The following SVOPL variants were observed in gnomAD, a reference collection of about 807,000 sequenced individuals.
SVOPL encodes putative transporter SVOPL.
SVOPL carries 60 observed loss-of-function variants against 61.0 expected under a neutral mutation model. The observed-to-expected ratio is 0.98, with a 90% CI of 0.80 to 1.22. The LOEUF (loss-of-function observed/expected upper bound fraction) is 1.22. Ranked by LOEUF, SVOPL falls within the 50% of genes most tolerant of loss-of-function variation. SVOPL has a pLI of 0.00. For synonymous variants in SVOPL, 279 were observed against 250.0 expected (o/e 1.12, Z -1.09); for missense variants, 662 against 643.9 (o/e 1.03, Z -0.30).
At chr7:138,660,944 A>G in intron 5 of SVOPL, 1 of 983,586 alleles carries the variant, frequency 1.0e-6, no homozygotes, top group Non-Finnish European at 1.2e-6. Flanking sequence ...AGGAAAAATT[A>G]TATCTTGCTA....
rs1169955853 is a variant in SVOPL at position 138,606,899 on chromosome 7, T to C, written c.1354-10369A>G. Among the ~76,000 whole-genome samples, 4 of 152,132 alleles carry C rather than the reference T, an allele frequency of 2.6e-5. No individual in the cohort carries two copies. The South Asian group carries it at 8.3e-4, about 32-fold the overall frequency. ...AACCCAGGAGGCAGAGGTTGCAGTGTGCTGGGATCATACCATTGCACTCCA... is the reference window on the plus strand; with the variant it reads ...AACCCAGGAGGCAGAGGTTGCAGTGCGCTGGGATCATACCATTGCACTCCA... On this transcript the variant is annotated intron_variant, in intron 14 of 15. Transcript: ENST00000674285.
chr7:138,632,151 G>A (rs1012993776), intron 9 of SVOPL, among the ~76,000 whole-genome samples: 5 of 152,236 alleles, frequency 3.3e-5, no homozygotes, highest in Non-Finnish European at 7.3e-5. Flanking sequence ...TCTGTGGAGG[G>A]CCAGACACGG....
intron 9 of SVOPL, among the ~76,000 whole-genome samples, chr7:138,634,261 C>G (rs1164422400): frequency 6.6e-6 from 1 of 152,124 alleles, no homozygotes; most frequent in Non-Finnish European, 1.5e-5. Context: ...TATCCCAGCA[C>G]TTTAGGAGGC....
intron 14 of SVOPL, among the ~76,000 whole-genome samples, chr7:138,602,053 T>A (rs1302773525): frequency 1.3e-5 from 2 of 152,188 alleles, no homozygotes; most frequent in Non-Finnish European, 2.9e-5. Flanking sequence ...ATTAAAATAG[T>A]TGCACATAAG....
intron 14 of SVOPL, among the ~76,000 whole-genome samples, chr7:138,613,669 G>C (rs1327901403): frequency 1.3e-5 from 2 of 152,006 alleles, no homozygotes; most frequent in Non-Finnish European, 2.9e-5. Flanking sequence ...CATTACCATA[G>C]TACCTCCAAA....
chr7:138,625,567 T>C (rs1311664036), intron 13 of SVOPL, among the ~76,000 whole-genome samples: 1 of 152,172 alleles, frequency 6.6e-6, no homozygotes, highest in African/African-American at 2.4e-5. Flanking sequence ...AAATTTAAGC[T>C]ACATGCAGCA....
intron 13 of SVOPL, among the ~76,000 whole-genome samples, chr7:138,623,605 A>C (rs1563097882): frequency 6.6e-6 from 1 of 151,898 alleles, no homozygotes; most frequent in Non-Finnish European, 1.5e-5. Context: ...GTCTCAAAAC[A>C]AAAAAAATAA....
intron 13 of SVOPL, among the ~76,000 whole-genome samples, chr7:138,623,157 G>T (rs1213363541): frequency 6.6e-6 from 1 of 152,128 alleles, no homozygotes; most frequent in Admixed American, 6.5e-5. Context: ...GAAAAATGAG[G>T]TTGCTCTGAC....
At chr7:138,621,243 A>G (rs1202208652) in intron 13 of SVOPL, 108 bp from the exon 14 acceptor site, 2 of 770,894 alleles carry the variant, frequency 2.6e-6, no homozygotes, top group Non-Finnish European at 2.0e-6. Context: ...TAGAGCACCA[A>G]ACACAGTTAC....
At position 138,649,040 on chromosome 7, in the gene SVOPL, G is replaced by T. The variant is rs759250556; in HGVS notation, c.632C>A (p.Pro211Gln). The change falls in exon 8 of 16, where the codon CCG becomes CAG. Residue 211 changes from proline to glutamine, a missense_variant. Transcript: ENST00000674285. Reference sequence around the variant, plus strand: ...GAAGGCCACGATGAGGATGATGCCCGGGATGGAGGCGACGCGAATGAGCCA... The same window carrying T: ...GAAGGCCACGATGAGGATGATGCCCTGGATGGAGGCGACGCGAATGAGCCA... ...WRWLIRVASI[P>Q]GIILIVAFKF... The T allele has an allele frequency of 4.3e-6, 7 of 1,613,890 alleles. No homozygotes were observed. In the South Asian group the frequency reaches 7.7e-5, roughly 18 times the overall value.
chr7:138,629,522 G>A (rs1002336375), intron 10 of SVOPL, among the ~76,000 whole-genome samples: 15 of 152,270 alleles, frequency 9.9e-5, no homozygotes, highest in South Asian at 2.1e-4. Flanking sequence ...GATTATAGGC[G>A]TGAGCCACCG....
chr7:138,629,692 G>GTACC (rs1415422760), intron 10 of SVOPL, among the ~76,000 whole-genome samples: 2 of 152,142 alleles, frequency 1.3e-5, no homozygotes, highest in African/African-American at 4.8e-5. Context: ...ATCACAGAGG[G>GTACC]TACCACAAGA....
At chr7:138,635,425 T>TGG (rs546472264) in intron 9 of SVOPL, among the ~76,000 whole-genome samples, 1 of 142,352 alleles carries the variant, frequency 7.0e-6, no homozygotes, top group African/African-American at 2.6e-5. Flanking sequence ...GAGATGGGGG[T>TGG]GGGGGTCTCA....
chr7:138,605,825 G>A (rs1022505838), intron 14 of SVOPL, among the ~76,000 whole-genome samples: 10 of 152,200 alleles, frequency 6.6e-5, no homozygotes, highest in Admixed American at 3.3e-4. Flanking sequence ...GGGAGTCCTC[G>A]CTGGCCACCC....
chr7:138,630,042 C>G lies in SVOPL; in HGVS notation c.863+7G>C. 6.2e-7 allele frequency: 1 copy of G among 1,611,356 alleles called. No homozygotes were observed. Among genetic ancestry groups the G allele is most frequent in the Non-Finnish European group, 8.5e-7 (1 of 1,177,650 alleles). ...TAAAACTAGCTTTGAAATCATTACA[C>G]TCTTACCATATGACCCAGATCTGTA... On this transcript the variant is annotated splice_region_variant and intron_variant, in intron 10 of 15. Transcript: ENST00000674285.
chr7:138,657,744 C>G (rs1468478968), intron 6 of SVOPL, among the ~76,000 whole-genome samples: 1 of 152,046 alleles, frequency 6.6e-6, no homozygotes, highest in Non-Finnish European at 1.5e-5. Context: ...ACTGTATGCC[C>G]CAGGGAAGAA....
intron 1 of SVOPL, among the ~76,000 whole-genome samples, chr7:138,697,632 AAG>A (rs1803095486): frequency 3.4e-5 from 1 of 29,494 alleles, no homozygotes; most frequent in Non-Finnish European, 5.2e-5. Context: ...AAAAAAAAAG[AAG>A]AAGAAGAAGT....
intron 4 of SVOPL, chr7:138,664,185 G>GGGGGGC: frequency 1.2e-6 from 1 of 861,280 alleles, no homozygotes; most frequent in African/African-American, 2.1e-5. Flanking sequence ...ACCCTACCCT[G>GGGGGGC]CCCTCCCCCT....
intron 9 of SVOPL, among the ~76,000 whole-genome samples, chr7:138,631,549 C>T (rs1173495788): frequency 2.0e-5 from 3 of 152,000 alleles, no homozygotes. Context: ...TCTCCTGGGG[C>T]CTGCAGTGTC....
Sources: gnomAD v4.1 joint callset for allele counts (sites outside exome capture counted in the v4.1 genomes callset) on GRCh38, gnomAD v4.1.1 for gene constraint, MANE v1.5 for transcripts, NCBI Gene and HGNC (gene_info 2026-07-23, HGNC 2026-07-21) for gene names.